Variants in ADGRE3 observed in about 807,000 individuals in gnomAD.
ADGRE3 encodes the protein EGF-like module receptor 3.
ADGRE3 carries 88 observed loss-of-function variants against 80.1 expected under a neutral mutation model. The observed-to-expected ratio is 1.10, with a 90% CI of 0.93 to 1.31. The LOEUF (loss-of-function observed/expected upper bound fraction) is 1.31, where lower values mean the gene tolerates loss of function less well. Among genes scored for constraint, ADGRE3 ranks in the 40% most tolerant of loss-of-function variants. The probability of loss-of-function intolerance (pLI) is 0.00; values close to 1 mark genes in which losing one functional copy is unlikely to be tolerated. For missense variants in ADGRE3, 715 were observed against 776.5 expected (o/e 0.92, Z 0.94); for synonymous variants, 281 against 294.8 (o/e 0.95, Z 0.48).
In ADGRE3 at chr19:14,628,592, G is replaced by A. The variant is rs1599606805; in HGVS notation, c.1812+1447C>T. Reference sequence around the variant, plus strand: ...TTATGGGCATGAGTCACTGTGCCTGGCCCCAGTTTCTCTTTAACGAGGCAG... The same window carrying A: ...TTATGGGCATGAGTCACTGTGCCTGACCCCAGTTTCTCTTTAACGAGGCAG... On this transcript the variant is annotated intron_variant, in intron 14 of 15. Coordinates refer to ENST00000253673, the MANE Select transcript of ADGRE3 (RefSeq NM_032571.5). The A allele has an allele frequency of 1.3e-5, 3 of 223,340 alleles. No individual in the cohort carries two copies. The South Asian group carries it at 1.9e-4, about 14-fold the overall frequency. The allele number at this position is 223,340 out of a possible 1,614,324, so 13.8% of individuals were successfully genotyped here. A position where few individuals can be genotyped will look rare whatever the true frequency, so the allele number is the denominator to read the frequency against.
intron 1 of ADGRE3, among the ~76,000 whole-genome samples, chr19:14,671,785 A>T (rs1044928421): frequency 2.0e-5 from 3 of 151,526 alleles, no homozygotes; most frequent in African/African-American, 7.3e-5. Flanking sequence ...TACATTTTTT[A>T]TTTTTATTTT....
At chr19:14,667,529 T>A (rs1972137536) in intron 2 of ADGRE3, among the ~76,000 whole-genome samples, 1 of 152,168 alleles carries the variant, frequency 6.6e-6, no homozygotes, top group South Asian at 2.1e-4. Context: ...GATGAGTTCA[T>A]GTCCTTTGCA....
chr19:14,666,499 C>T (rs185273827), intron 2 of ADGRE3, among the ~76,000 whole-genome samples: 4 of 152,182 alleles, frequency 2.6e-5, no homozygotes, highest in African/African-American at 2.4e-5. Flanking sequence ...GTCTCAGCCT[C>T]CCGAGTAGCT....
In ADGRE3 at chr19:14,672,663, G is replaced by A. The variant is rs112789482; in HGVS notation, c.25+2083C>T. Among the ~76,000 whole-genome samples, 1,172 of 152,264 alleles carry A rather than the reference G, an allele frequency of 7.7e-3. 15 individuals carry two copies. Among genetic ancestry groups the A allele is most frequent in the African/African-American group, 0.027 (1,136 of 41,524 alleles). The stretch of plus-strand genomic sequence containing the variant: ...TGAGCTCTGTTGCTCAGGCTGGAGT[G>A]CAGTGATGCAATCACAGCTCATTGT... On this transcript the variant is annotated intron_variant, in intron 1 of 15. Transcript: ENST00000253673.
intron 5 of ADGRE3, among the ~76,000 whole-genome samples, chr19:14,656,236 T>C (rs1208518274): frequency 6.7e-6 from 1 of 149,964 alleles, no homozygotes; most frequent in African/African-American, 2.5e-5. Flanking sequence ...TCCCAGCTAG[T>C]TGGGATGCTG....
intron 6 of ADGRE3, 112 bp from the exon 7 acceptor site, chr19:14,651,316 G>A: frequency 8.5e-7 from 1 of 1,174,090 alleles, no homozygotes; most frequent in Non-Finnish European, 1.2e-6. Flanking sequence ...TCAAGAGGCT[G>A]AGGCAGAAGG....
chr19:14,642,674 T>C (rs1441156295), intron 9 of ADGRE3, among the ~76,000 whole-genome samples: 1 of 152,286 alleles, frequency 6.6e-6, no homozygotes, highest in East Asian at 1.9e-4. Context: ...CACGAGTATT[T>C]GGTTTTCTGT....
At chr19:14,608,694 T>A in the ADGRE3 span, among the ~76,000 whole-genome samples, 3 of 145,992 alleles carry the variant, frequency 2.1e-5, no homozygotes, top group Admixed American at 7.1e-5. Flanking sequence ...AGTGCAGTGG[T>A]GCAGTCTTGA....
intron 5 of ADGRE3, among the ~76,000 whole-genome samples, chr19:14,655,985 G>A (rs573449432): frequency 2.0e-5 from 3 of 152,072 alleles, no homozygotes; most frequent in South Asian, 4.1e-4. Context: ...GTCATCTTGC[G>A]CCAAGATGAA....
chr19:14,621,856 G>C lies in ADGRE3; in HGVS notation c.1921-2385C>G, dbSNP rs190632278. 7.8e-4 allele frequency: 815 copies of C among 1,049,302 alleles called. 295 individuals carry two copies. In the African/African-American group the frequency reaches 0.016, roughly 20 times the overall value. The allele number at this position is 1,049,302 out of a possible 1,614,324, so 65.0% of individuals were successfully genotyped here. On this transcript the variant is annotated intron_variant, in intron 15 of 15. Coordinates refer to ENST00000253673, the MANE Select transcript of ADGRE3 (RefSeq NM_032571.5). ...CAATTGGAATGATGTCTGGACCAGT[G>C]GGACACTCTGGATTCTCCACAACAT...
At chr19:14,660,417 A>G (rs907187739) in intron 4 of ADGRE3, among the ~76,000 whole-genome samples, 11 of 152,152 alleles carry the variant, frequency 7.2e-5, no homozygotes, top group African/African-American at 2.7e-4. Flanking sequence ...GCTTGAGACC[A>G]GGAGTTTGAG....
chr19:14,635,546 A>G (rs1024088287), intron 11 of ADGRE3, among the ~76,000 whole-genome samples: 1 of 150,890 alleles, frequency 6.6e-6, no homozygotes, highest in South Asian at 2.1e-4. Context: ...CAAATAGCTG[A>G]GATTACAGGC....
intron 2 of ADGRE3, among the ~76,000 whole-genome samples, chr19:14,665,904 TAC>T (rs1235399587): frequency 2.6e-5 from 3 of 113,420 alleles, no homozygotes; most frequent in Non-Finnish European, 3.7e-5. Context: ...TATATATTTA[TAC>T]ACATATATAT....
the ADGRE3 span, among the ~76,000 whole-genome samples, chr19:14,613,386 C>G: frequency 2.1e-5 from 3 of 142,952 alleles, no homozygotes; most frequent in Non-Finnish European, 3.1e-5. Context: ...CCACACCCAG[C>G]TAATTTTAAT....
intron 9 of ADGRE3, among the ~76,000 whole-genome samples, chr19:14,642,995 G>A (rs1241911999): frequency 2.0e-5 from 3 of 152,074 alleles, no homozygotes; most frequent in Non-Finnish European, 4.4e-5. Flanking sequence ...AGCTCTTTGA[G>A]AAAGTGACAT....
chr19:14,634,688 T>C (rs1451324075), intron 11 of ADGRE3, among the ~76,000 whole-genome samples: 6 of 152,288 alleles, frequency 3.9e-5, no homozygotes, highest in Admixed American at 6.5e-5. Context: ...GGACTGAGAC[T>C]GGAGAGCTCA....
chr19:14,636,209 TTTTCTTTTTTCTTTCC>T (rs1234783549), intron 11 of ADGRE3, among the ~76,000 whole-genome samples: 1 of 142,140 alleles, frequency 7.0e-6, no homozygotes, highest in Non-Finnish European at 1.5e-5. Context: ...CTTTCTTTTC[TTTTCTTTTTTCTTTCC>T]TTTTTCTTTT....
At chr19:14,636,774 A>G (rs1461385945) in intron 11 of ADGRE3, among the ~76,000 whole-genome samples, 1 of 152,018 alleles carries the variant, frequency 6.6e-6, no homozygotes, top group African/African-American at 2.4e-5. Context: ...TTACTGCTCT[A>G]TAGGTAACAA....
the ADGRE3 span, chr19:14,609,990 A>G: frequency 9.0e-7 from 1 of 1,105,078 alleles, no homozygotes; most frequent in South Asian, 1.3e-5. Context: ...GGTATTCATC[A>G]TTACAGTATT....
Sources: allele counts gnomAD v4.1 joint callset (sites outside exome capture counted in the v4.1 genomes callset), GRCh38; gene constraint gnomAD v4.1.1; transcripts MANE v1.5; gene names NCBI Gene and HGNC (gene_info 2026-07-23, HGNC 2026-07-21).